Variants in TNRC18 observed in about 807,000 individuals in gnomAD.
TNRC18 encodes the protein trinucleotide repeat-containing gene 18 protein.
In TNRC18, 69 loss-of-function variants were observed where a neutral mutation model predicts 226.7. That is an observed-to-expected ratio of 0.30 (90% confidence interval 0.25 to 0.37). TNRC18 has a LOEUF of 0.37. Among genes scored for constraint, TNRC18 ranks in the 10% least tolerant of loss-of-function variants. The pLI, the probability that TNRC18 is intolerant of heterozygous loss-of-function variation, is 1.00. For missense variants in TNRC18, 4,754 were observed against 4,256.6 expected (o/e 1.12, Z -3.25); for synonymous variants, 2,449 against 1,927.6 (o/e 1.27, Z -7.09).
chr7:5,307,485 G>A lies in TNRC18; in HGVS notation c.*621C>T, dbSNP rs759248277. ...GTTTGGACCAGGGTGGGCCTGTGCC[G>A]GGCCCTCTCCACCTGGTGCCTTTGA... On this transcript the variant is annotated 3_prime_UTR_variant, in exon 30 of 30. Coordinates refer to ENST00000430969, the MANE Select transcript of TNRC18 (RefSeq NM_001080495.3). The A allele has an allele frequency of 8.4e-5, 37 of 441,680 alleles. No individual in the cohort carries two copies. Among genetic ancestry groups the A allele is most frequent in the Admixed American group, 4.9e-4 (20 of 41,084 alleles). 27.4% of individuals were successfully genotyped at this position (441,680 alleles called of 1,614,324 possible). A position where few individuals can be genotyped will look rare whatever the true frequency, so the allele number is the denominator to read the frequency against.
At chr7:5,356,330 A>G (rs1164663767) in intron 16 of TNRC18, among the ~76,000 whole-genome samples, 4 of 152,106 alleles carry the variant, frequency 2.6e-5, no homozygotes, top group African/African-American at 4.8e-5. Flanking sequence ...CATCCCCAGT[A>G]ACAACATGGG....
chr7:5,322,503 A>G (rs10236482), intron 21 of TNRC18, among the ~76,000 whole-genome samples: 12,562 of 152,158 alleles, frequency 0.083, 598 homozygotes, highest in East Asian at 0.17. Flanking sequence ...ATGTTGCCCA[A>G]CTGATCTCGA....
chr7:5,414,883 G>A (rs1381855019), intron 2 of TNRC18, among the ~76,000 whole-genome samples: 1 of 152,162 alleles, frequency 6.6e-6, no homozygotes, highest in Non-Finnish European at 1.5e-5. Flanking sequence ...TTTCTTCCCT[G>A]ATCCCAAGAT....
intron 5 of TNRC18, among the ~76,000 whole-genome samples, chr7:5,382,285 C>T (rs1201991144): frequency 6.6e-6 from 1 of 152,214 alleles, no homozygotes; most frequent in East Asian, 1.9e-4. Flanking sequence ...GGGCCCTCTC[C>T]AGCCACGTCA....
At chr7:5,393,817 G>A (rs570729381) in intron 3 of TNRC18, among the ~76,000 whole-genome samples, 3 of 152,070 alleles carry the variant, frequency 2.0e-5, no homozygotes, top group African/African-American at 7.2e-5. Flanking sequence ...TACATTGAGG[G>A]GCATGGCTGC....
chr7:5,308,956 G>T lies in TNRC18; in HGVS notation c.8626-7C>A, dbSNP rs766173338. The T allele has an allele frequency of 3.4e-5, 55 of 1,598,682 alleles. No homozygotes were observed. The highest frequency in any genetic ancestry group is 4.5e-5 in the Non-Finnish European group (53 of 1,174,282). ...TGGACTTCTGGTCCCAGTGCTGTGT[G>T]GGGGAGAGAGGAGGGGCTTGGGTGA... is the stretch of plus-strand genomic sequence containing the variant. On this transcript the variant is annotated splice_polypyrimidine_tract_variant and splice_region_variant and intron_variant, in intron 28 of 29. Transcript: ENST00000430969.
intron 19 of TNRC18, among the ~76,000 whole-genome samples, chr7:5,326,395 C>T (rs1788913068): frequency 6.6e-6 from 1 of 152,128 alleles, no homozygotes; most frequent in Non-Finnish European, 1.5e-5. Flanking sequence ...TTACTTTAAC[C>T]ACCCCCGCGA....
chr7:5,380,397 G>A (rs1194810290), intron 5 of TNRC18, among the ~76,000 whole-genome samples: 1 of 152,216 alleles, frequency 6.6e-6, no homozygotes, highest in African/African-American at 2.4e-5. Context: ...AGTGAGCTGT[G>A]ATTACACCAC....
Position 5,387,830 on chromosome 7 carries a change from C to G in TNRC18, c.1994G>C (p.Gly665Ala). ...PERPESAKAFGREGSGAQGEA... is the reference protein window; with the variant it reads ...PERPESAKAFAREGSGAQGEA... ...ACCCTGGGCACCAGAGCCCTCGCGC[C>G]CGAAAGCTTTGGCGCTCTCGGGCCT... The change falls in exon 5 of 30, where the codon GGG becomes GCG. Residue 665 changes from glycine to alanine, a missense_variant. Gly to Ala is a moderately conservative substitution (Grantham distance 60). Coordinates refer to ENST00000430969, the MANE Select transcript of TNRC18 (RefSeq NM_001080495.3). 1 of 1,606,774 alleles carries G rather than the reference C, an allele frequency of 6.2e-7. No individual in the cohort carries two copies. Among genetic ancestry groups the G allele is most frequent in the Admixed American group, 1.7e-5 (1 of 59,818 alleles).
In TNRC18 at chr7:5,377,307, C is replaced by G. The variant is rs1779052338; in HGVS notation, c.2461+64G>C. On this transcript the variant is annotated intron_variant, in intron 7 of 29. Coordinates refer to ENST00000430969, the MANE Select transcript of TNRC18 (RefSeq NM_001080495.3). This position sits in a 1 kb window ranked among gnomAD's most constrained non-coding sequence, Gnocchi z 5.8. ...GCAGGAGCCAGCCCTGAGCTCTTGT[C>G]CTGCACCCGCCCCCTCCCACCCCTC... is the stretch of plus-strand genomic sequence containing the variant. 15 of 1,417,010 alleles carry G rather than the reference C, an allele frequency of 1.1e-5. No homozygotes were observed. Among genetic ancestry groups the G allele is most frequent in the Non-Finnish European group, 1.3e-5 (14 of 1,061,810 alleles). The allele number at this position is 1,417,010 out of a possible 1,614,324, so 87.8% of individuals were successfully genotyped here. A position where few individuals can be genotyped will look rare whatever the true frequency, so the allele number is the denominator to read the frequency against.
Position 5,354,074 on chromosome 7 carries a change from G to A in TNRC18, c.5195-1980C>T, listed in dbSNP as rs561147138. ...CAACATTAGCTGGGTGTGGTGGTGC[G>A]TGCCTGTAACCCCAGCTACTCAGGA... On this transcript the variant is annotated intron_variant, in intron 16 of 29. Transcript: ENST00000430969. Among the ~76,000 whole-genome samples, 6 of 152,066 alleles carry A rather than the reference G, an allele frequency of 3.9e-5. No homozygotes were observed. The South Asian group carries it at 6.2e-4, about 16-fold the overall frequency.
At position 5,348,452 on chromosome 7, in the gene TNRC18, C is replaced by T. The variant is rs1488676937; in HGVS notation, c.5471-2642G>A. Among the ~76,000 whole-genome samples the T allele has an allele frequency of 2.0e-5, 3 of 152,178 alleles. No homozygotes were observed. In the East Asian group the frequency reaches 5.8e-4, roughly 29 times the overall value. On this transcript the variant is annotated intron_variant, in intron 17 of 29. Transcript: ENST00000430969. ...ACAGACGGGGAAGACGGACAGCCAA[C>T]TCCACAGTCTCCTGCCAACGCCCCA...
At chr7:5,386,320 G>C (rs534869597) in intron 5 of TNRC18, among the ~76,000 whole-genome samples, 7 of 151,584 alleles carry the variant, frequency 4.6e-5, no homozygotes, top group African/African-American at 1.7e-4. Flanking sequence ...ACACAGGTAG[G>C]AGATTCAGTA....
At chr7:5,405,638 G>A (rs962306441) in intron 2 of TNRC18, among the ~76,000 whole-genome samples, 1 of 152,196 alleles carries the variant, frequency 6.6e-6, no homozygotes, top group South Asian at 2.1e-4. Context: ...AGCTACGCGG[G>A]AGGTTGAGAC....
Position 5,345,828 on chromosome 7 carries a change from G to A in TNRC18, c.5471-18C>T, listed in dbSNP as rs1316538340. 2.7e-5 allele frequency: 41 copies of A among 1,536,542 alleles called. No individual in the cohort carries two copies. The East Asian group carries it at 9.3e-4, about 35-fold the overall frequency. ...GCTCTCATCTGGCGTGCAGAAAACA[G>A]GGACCGAGTCAGAGCCTTGGCCTTG... On this transcript the variant is annotated intron_variant, in intron 17 of 29. Transcript: ENST00000430969.
At chr7:5,417,472 A>G (rs1782263590) in intron 2 of TNRC18, among the ~76,000 whole-genome samples, 1 of 152,182 alleles carries the variant, frequency 6.6e-6, no homozygotes, top group African/African-American at 2.4e-5. Flanking sequence ...CCTATCTCAA[A>G]AACAAAACAA....
At position 5,332,712 on chromosome 7, in the gene TNRC18, G is replaced by A; in HGVS notation, c.6057C>T (p.Pro2019=). The A allele has an allele frequency of 6.5e-7, 1 of 1,528,282 alleles. No individual in the cohort carries two copies. Among genetic ancestry groups the A allele is most frequent in the Non-Finnish European group, 8.8e-7 (1 of 1,141,836 alleles). 94.7% of individuals were successfully genotyped at this position (1,528,282 alleles called of 1,614,324 possible). ...TGGCGCAGCGGCTGGTCTTGGTGGC[G>A]GGCGCGGTGCTGACGGGCGCAGGTG... The part of the protein sequence containing the change: ...AAAPAPVSTA[P]ATKTSRCAKG... The change falls in exon 19 of 30, where the codon CCC becomes CCT. Residue 2019 remains proline (P), a synonymous_variant. Coordinates refer to ENST00000430969, the MANE Select transcript of TNRC18 (RefSeq NM_001080495.3).
At chr7:5,400,457 A>G in intron 2 of TNRC18, among the ~76,000 whole-genome samples, 1 of 152,036 alleles carries the variant, frequency 6.6e-6, no homozygotes, top group Non-Finnish European at 1.5e-5. Context: ...TTAAAATACA[A>G]AAATTAGCCG....
At chr7:5,346,174 A>G (rs751125786) in intron 17 of TNRC18, among the ~76,000 whole-genome samples, 2 of 152,256 alleles carry the variant, frequency 1.3e-5, no homozygotes, top group Middle Eastern at 6.3e-3. Context: ...GCCCCAACAC[A>G]CAACACAGAG....
Sources: gnomAD v4.1 joint callset for allele counts (sites outside exome capture counted in the v4.1 genomes callset) on GRCh38, gnomAD v4.1.1 for gene constraint, Gnocchi (gnomAD v3.1) non-coding constraint, MANE v1.5 for transcripts, NCBI Gene and HGNC (gene_info 2026-07-23, HGNC 2026-07-21) for gene names.